The following TMTC4 variants were observed in gnomAD, a reference collection of about 807,000 sequenced individuals.
TMTC4 encodes the protein protein O-mannosyl-transferase TMTC4.
In TMTC4, 65 loss-of-function variants were observed where a neutral mutation model predicts 86.0. The observed-to-expected ratio is 0.76, with a 90% confidence interval of 0.62 to 0.93. The LOEUF is 0.93. TMTC4 is among the 40% of genes least tolerant of loss of function. TMTC4 has a pLI of 0.00. For synonymous variants in TMTC4, 379 were observed against 382.5 expected (o/e 0.99, Z 0.11); for missense variants, 866 against 948.1 (o/e 0.91, Z 1.14).
intron 15 of TMTC4, among the ~76,000 whole-genome samples, chr13:100,615,592 A>G (rs2138732618): frequency 6.6e-6 from 1 of 152,262 alleles, no homozygotes; most frequent in East Asian, 1.9e-4. Context: ...AGCTGGGATC[A>G]CAGACGTGTG....
intron 6 of TMTC4, among the ~76,000 whole-genome samples, chr13:100,654,520 A>G (rs1326992294): frequency 3.9e-5 from 6 of 152,136 alleles, no homozygotes; most frequent in African/African-American, 1.4e-4. Context: ...AGCTTTATTT[A>G]AAAAGTATCT....
At chr13:100,644,931 C>G (rs561743590) in intron 6 of TMTC4, among the ~76,000 whole-genome samples, 6 of 152,080 alleles carry the variant, frequency 3.9e-5, no homozygotes, top group Non-Finnish European at 8.8e-5. Flanking sequence ...TCTCCTGCCT[C>G]AGCCTCCTGA....
In TMTC4 at chr13:100,635,016, G is replaced by A. The variant is rs544521966; in HGVS notation, c.1374+8C>T. On this transcript the variant is annotated splice_region_variant and intron_variant, in intron 11 of 18. Transcript: ENST00000342624. Reference sequence around the variant, plus strand: ...TGTTCATCAGCTGGCACCACTCTCAGTTGATACCTTTTTCTTGGTATGTTT... The same window carrying A: ...TGTTCATCAGCTGGCACCACTCTCAATTGATACCTTTTTCTTGGTATGTTT... The A allele has an allele frequency of 6.2e-6, 10 of 1,610,894 alleles. No homozygotes were observed. Among genetic ancestry groups the A allele is most frequent in the Middle Eastern group, 1.6e-4 (1 of 6,062 alleles).
chr13:100,643,978 G>C (rs554144653), intron 6 of TMTC4, among the ~76,000 whole-genome samples: 66 of 152,252 alleles, frequency 4.3e-4, no homozygotes, highest in African/African-American at 1.6e-3. Flanking sequence ...TGCAGACCCT[G>C]CAAGGAGGGA....
chr13:100,606,514 C>A lies in TMTC4; in HGVS notation c.2065-87G>T, dbSNP rs1302814251. Reference sequence around the variant, plus strand: ...AGTTTTATCACCTACGGTTTTCAAACTTTTAACCTCCTCCTTTTGTATCAA... The same window carrying A: ...AGTTTTATCACCTACGGTTTTCAAAATTTTAACCTCCTCCTTTTGTATCAA... On this transcript the variant is annotated intron_variant, in intron 17 of 18. Coordinates refer to ENST00000342624, the MANE Select transcript of TMTC4 (RefSeq NM_032813.5). 6 of 1,050,806 alleles carry A rather than the reference C, an allele frequency of 5.7e-6. No individual in the cohort carries two copies. The East Asian group carries it at 1.0e-4, about 18-fold the overall frequency. 65.1% of individuals were successfully genotyped at this position (1,050,806 alleles called of 1,614,324 possible). A position where few individuals can be genotyped will look rare whatever the true frequency, so the allele number is the denominator to read the frequency against.
intron 7 of TMTC4, among the ~76,000 whole-genome samples, chr13:100,641,062 C>T (rs998317621): frequency 2.6e-5 from 4 of 152,072 alleles, no homozygotes; most frequent in African/African-American, 9.7e-5. Context: ...CCCCCTGACA[C>T]TGCCGGTGGA....
At chr13:100,632,049 ACACACTCTCTCTCTCT>A (rs1319508593) in intron 12 of TMTC4, among the ~76,000 whole-genome samples, 1,020 of 77,212 alleles carry the variant, frequency 0.013, 3 homozygotes, top group Middle Eastern at 0.018. Flanking sequence ...ACACACACAC[ACACACTCTCTCTCTCT>A]CTCTCTCTCT....
intron 5 of TMTC4, 52 bp downstream of exon 5, chr13:100,662,912 T>A: frequency 1.3e-6 from 2 of 1,589,586 alleles, no homozygotes; most frequent in South Asian, 1.1e-5. Flanking sequence ...GACATGGGGG[T>A]GTCATATCGC....
rs1239151892 is a variant in TMTC4 at position 100,658,861 on chromosome 13, A to G, written c.553-2393T>C. Among the ~76,000 whole-genome samples, 9 of 152,232 alleles carry G rather than the reference A, an allele frequency of 5.9e-5. No individual in the cohort carries two copies. In the East Asian group the frequency reaches 1.7e-3, roughly 29 times the overall value. On this transcript the variant is annotated intron_variant, in intron 5 of 18. Transcript: ENST00000342624. ...AAGCAAAAGAGCATTTAGTATTTAC[A>G]ATGAATTTTTTTGGCATAGTAATTA...
rs3742244 is a variant in TMTC4 at position 100,604,309 on chromosome 13, T to A, written c.*685A>T. 116,172 of 152,558 alleles carry A rather than the reference T, an allele frequency of 0.76. 44,332 individuals carry two copies. Among genetic ancestry groups the A allele is most frequent in the South Asian group, 0.91 (4,408 of 4,824 alleles). The allele number at this position is 152,558 out of a possible 1,614,324, so 9.5% of individuals were successfully genotyped here. A position where few individuals can be genotyped will look rare whatever the true frequency, so the allele number is the denominator to read the frequency against. On this transcript the variant is annotated 3_prime_UTR_variant, in exon 19 of 19. Transcript: ENST00000342624. The stretch of plus-strand genomic sequence containing the variant: ...TTTCAATTGATAGTAACCGCTTATG[T>A]AAAATATTACATTACATAATCTCCT...
intron 12 of TMTC4, among the ~76,000 whole-genome samples, chr13:100,632,451 T>A (rs999359117): frequency 6.6e-6 from 1 of 152,186 alleles, no homozygotes; most frequent in Non-Finnish European, 1.5e-5. Context: ...ACTCCACACA[T>A]AGAAGGGGCA....
At chr13:100,611,869 T>C (rs1036769342) in intron 17 of TMTC4, among the ~76,000 whole-genome samples, 1 of 152,342 alleles carries the variant, frequency 6.6e-6, no homozygotes, top group South Asian at 2.1e-4. Context: ...TGGTGGCCTA[T>C]ATAACTCAGA....
intron 5 of TMTC4, among the ~76,000 whole-genome samples, chr13:100,657,057 G>A (rs1398681728): frequency 2.6e-5 from 4 of 152,068 alleles, no homozygotes; most frequent in African/African-American, 4.8e-5. Flanking sequence ...CACAGACGGC[G>A]ATATGCACGT....
chr13:100,663,099 G>A lies in TMTC4; in HGVS notation c.417C>T (p.Val139=). ...VNILLHSGIS[V]LMVDVFSVLF... is the part of the protein sequence containing the mutation. Reference sequence around the variant, plus strand: ...GAACCGAGAAGACGTCCACCATGAGGACAGAGATGCCACTGTGCAGGAGGA... The same window carrying A: ...GAACCGAGAAGACGTCCACCATGAGAACAGAGATGCCACTGTGCAGGAGGA... Residue 139 remains valine, a synonymous_variant, in exon 5 of 19, where the codon GTC becomes GTT. Coordinates refer to ENST00000342624, the MANE Select transcript of TMTC4 (RefSeq NM_032813.5). 2.5e-6 allele frequency: 4 copies of A among 1,614,240 alleles called. No homozygotes were observed. The highest frequency in any genetic ancestry group is 3.4e-6 in the Non-Finnish European group (4 of 1,180,046).
At chr13:100,665,905 T>C (rs1239822769) in intron 3 of TMTC4, 1 of 408,558 alleles carries the variant, frequency 2.4e-6, no homozygotes, top group Non-Finnish European at 4.9e-6. Context: ...GGTTAGAGAT[T>C]CTGTGAAGGT....
intron 3 of TMTC4, among the ~76,000 whole-genome samples, chr13:100,667,680 T>C (rs1886553434): frequency 6.6e-6 from 1 of 152,042 alleles, no homozygotes; most frequent in African/African-American, 2.4e-5. Context: ...TTACAAAGAG[T>C]TGCTCTAATT....
At chr13:100,618,782 G>A (rs1594247942) in intron 15 of TMTC4, among the ~76,000 whole-genome samples, 1 of 152,326 alleles carries the variant, frequency 6.6e-6, no homozygotes, top group East Asian at 1.9e-4. Flanking sequence ...CACAGCACAT[G>A]TTTCAGAGAG....
chr13:100,663,108 G>A lies in TMTC4; in HGVS notation c.408C>T (p.Gly136=), dbSNP rs761004438. 1 of 1,614,238 alleles carries A rather than the reference G, an allele frequency of 6.2e-7. No homozygotes were observed. Among genetic ancestry groups the A allele is most frequent in the African/African-American group, 1.3e-5 (1 of 75,066 alleles). ...AGACGTCCACCATGAGGACAGAGAT[G>A]CCACTGTGCAGGAGGATGTTGACCA... ...FHVVNILLHS[G]ISVLMVDVFS... Residue 136 remains glycine (G), a synonymous_variant, in exon 5 of 19, where the codon GGC becomes GGT. Transcript: ENST00000342624.
chr13:100,608,133 A>AT (rs1347745637), intron 17 of TMTC4, among the ~76,000 whole-genome samples: 1 of 152,250 alleles, frequency 6.6e-6, no homozygotes, highest in Non-Finnish European at 1.5e-5. Context: ...TGGCTTAGGG[A>AT]TAAAAAGTTA....
Sources: allele counts gnomAD v4.1 joint callset (sites outside exome capture counted in the v4.1 genomes callset), GRCh38; gene constraint gnomAD v4.1.1; transcripts MANE v1.5; gene names NCBI Gene and HGNC (gene_info 2026-07-23, HGNC 2026-07-21).